Variants in PRORP observed in about 807,000 individuals in gnomAD.
PRORP encodes the protein mitochondrial ribonuclease P catalytic subunit.
In PRORP, 51 loss-of-function variants were observed where a neutral mutation model predicts 59.4. The observed-to-expected ratio is 0.86, with a 90% CI of 0.69 to 1.08. PRORP has a LOEUF of 1.08. Among genes scored for constraint, PRORP ranks in the 50% least tolerant of loss-of-function variants. The probability of loss-of-function intolerance (pLI) is 0.00; values close to 1 mark genes in which losing one functional copy is unlikely to be tolerated. For synonymous variants in PRORP, 231 were observed against 245.6 expected (o/e 0.94, Z 0.55); for missense variants, 646 against 690.3 (o/e 0.94, Z 0.72).
intron 4 of PRORP, among the ~76,000 whole-genome samples, chr14:35,161,186 G>GT (rs2048050108): frequency 1.3e-5 from 2 of 152,178 alleles, no homozygotes; most frequent in Non-Finnish European, 2.9e-5. Flanking sequence ...GGTAAAACTT[G>GT]TGGTATTATT....
At chr14:35,183,148 T>G (rs529578503) in intron 5 of PRORP, among the ~76,000 whole-genome samples, 2 of 152,208 alleles carry the variant, frequency 1.3e-5, no homozygotes, top group South Asian at 4.1e-4. Context: ...TATCCATGTA[T>G]AGATAAATGT....
intron 5 of PRORP, among the ~76,000 whole-genome samples, chr14:35,182,600 T>A (rs2048642311): frequency 6.6e-6 from 1 of 151,896 alleles, no homozygotes. Context: ...AGCTGAGATC[T>A]TGCCATTGCA....
chr14:35,200,497 G>A (rs1253070013), intron 5 of PRORP, among the ~76,000 whole-genome samples: 5 of 151,856 alleles, frequency 3.3e-5, no homozygotes, highest in Non-Finnish European at 5.9e-5. Context: ...GCCTAAGTAT[G>A]CAAAATTCTT....
intron 5 of PRORP, among the ~76,000 whole-genome samples, chr14:35,258,281 C>T (rs1016805232): frequency 3.9e-5 from 6 of 152,042 alleles, no homozygotes; most frequent in Admixed American, 6.5e-5. Context: ...CATGAGCCAC[C>T]GCACCTGGCA....
chr14:35,125,184 C>A (rs1416994755), intron 2 of PRORP, among the ~76,000 whole-genome samples: 1 of 152,076 alleles, frequency 6.6e-6, no homozygotes, highest in Non-Finnish European at 1.5e-5. Context: ...ATCTATAGTT[C>A]ATCAACTTGG....
rs192122435 is a variant in PRORP, at chr14:35,128,341, G to A, written c.1167+730G>A. 7.3e-5 allele frequency among the ~76,000 whole-genome samples: 11 copies of A among 150,540 alleles called. No homozygotes were observed. The East Asian group carries it at 2.2e-3, about 29-fold the overall frequency. ...TGTCTTTGTCTGGTTTTGGTATCAA[G>A]GTAACACTAGCCTCATGGAATGAGT... is the stretch of plus-strand genomic sequence containing the variant. On this transcript the variant is annotated intron_variant, in intron 4 of 7. Coordinates refer to ENST00000534898, the MANE Select transcript of PRORP (RefSeq NM_014672.4).
upstream of PRORP, chr14:35,122,263 T>C (rs1595143601): frequency 1.2e-5 from 5 of 401,830 alleles, no homozygotes; most frequent in East Asian, 2.3e-4. Flanking sequence ...GCGTTTTCCT[T>C]TATCGTGTGC....
At chr14:35,174,288 G>T (rs1173118437) in intron 4 of PRORP, among the ~76,000 whole-genome samples, 1 of 151,526 alleles carries the variant, frequency 6.6e-6, no homozygotes, top group African/African-American at 2.4e-5. Context: ...GAAATAGTTG[G>T]GTATTTATCT....
intron 5 of PRORP, among the ~76,000 whole-genome samples, chr14:35,191,822 A>G (rs2048890868): frequency 6.6e-6 from 1 of 151,676 alleles, no homozygotes; most frequent in Non-Finnish European, 1.5e-5. Context: ...AGCCACAATT[A>G]CTCTTTCTCA....
At chr14:35,146,716 T>C (rs1399444217) in intron 4 of PRORP, among the ~76,000 whole-genome samples, 1 of 152,222 alleles carries the variant, frequency 6.6e-6, no homozygotes, top group Non-Finnish European at 1.5e-5. Context: ...TTGAAGACAT[T>C]GCAAGTTTGG....
At chr14:35,124,358 C>T (rs1490809531) in intron 2 of PRORP, 127 bp downstream of exon 2, 1 of 543,588 alleles carries the variant, frequency 1.8e-6, no homozygotes, top group Non-Finnish European at 3.0e-6. Flanking sequence ...ACCTCAAACT[C>T]CTGGCCTCAA....
intron 5 of PRORP, among the ~76,000 whole-genome samples, chr14:35,182,577 G>T (rs1269563109): frequency 6.6e-6 from 1 of 152,184 alleles, no homozygotes; most frequent in African/African-American, 2.4e-5. Context: ...CCCGGGAGGT[G>T]GAGGTTGCAG....
chr14:35,268,602 ATTTAT>A lies in PRORP; in HGVS notation c.1424+1734_1424+1738del, dbSNP rs572891561. ...AAGATTTGTCAGTATTCTCCAAATC[ATTTAT>A]TTTATTGAGACGGAGTCTCACTGGG... On this transcript the variant is annotated intron_variant, in intron 6 of 7. Transcript: ENST00000534898. Among the ~76,000 whole-genome samples, 377 of 152,194 alleles carry A rather than the reference ATTTAT, an allele frequency of 2.5e-3. 2 individuals carry two copies. The highest frequency in any genetic ancestry group is 8.5e-3 in the African/African-American group (353 of 41,538).
intron 5 of PRORP, among the ~76,000 whole-genome samples, chr14:35,213,532 A>G (rs938516223): frequency 3.3e-5 from 5 of 152,228 alleles, no homozygotes; most frequent in Non-Finnish European, 7.3e-5. Flanking sequence ...TTGGCTTTCA[A>G]CATGCCCTCC....
Position 35,258,021 on chromosome 14 carries a change from G to A in PRORP, c.1276-8706G>A, listed in dbSNP as rs553708813. Among the ~76,000 whole-genome samples, 12 of 150,794 alleles carry A rather than the reference G, an allele frequency of 8.0e-5. No individual in the cohort carries two copies. The East Asian group carries it at 2.3e-3, about 29-fold the overall frequency. ...TAAGCTCAGGAACTACTTTTCATCA[G>A]TTTTATGCCAAAAGTTGATGTGTCA... On this transcript the variant is annotated intron_variant, in intron 5 of 7. Coordinates refer to ENST00000534898, the MANE Select transcript of PRORP (RefSeq NM_014672.4).
intron 4 of PRORP, among the ~76,000 whole-genome samples, chr14:35,164,338 A>T (rs930797984): frequency 1.3e-5 from 2 of 152,204 alleles, no homozygotes; most frequent in Non-Finnish European, 2.9e-5. Flanking sequence ...ACATCCACTC[A>T]TATGTGCATT....
Position 35,266,810 on chromosome 14 carries a change from C to T in PRORP, c.1359C>T (p.Ser453=), listed in dbSNP as rs754705308. Residue 453 remains serine (S), a synonymous_variant, in exon 6 of 8, where the codon TCC becomes TCT. Coordinates refer to ENST00000534898, the MANE Select transcript of PRORP (RefSeq NM_014672.4). The part of the protein sequence containing the change: ...LGRKHMLRRS[S]QWSRDEMEEV... Reference sequence around the variant, plus strand: ...GGAAGCACATGCTAAGACGGAGTTCCCAGTGGAGTCGGGATGAGATGGAAG... The same window carrying T: ...GGAAGCACATGCTAAGACGGAGTTCTCAGTGGAGTCGGGATGAGATGGAAG... 1.2e-6 allele frequency: 2 copies of T among 1,614,112 alleles called. No homozygotes were observed. Among genetic ancestry groups the T allele is most frequent in the Non-Finnish European group, 1.7e-6 (2 of 1,180,028 alleles).
chr14:35,267,822 G>A (rs936190496), intron 6 of PRORP, among the ~76,000 whole-genome samples: 27 of 151,782 alleles, frequency 1.8e-4, no homozygotes, highest in African/African-American at 6.5e-4. Context: ...GCAGGCATAA[G>A]CTTGGCATGT....
chr14:35,274,718 G>T lies in PRORP; in HGVS notation c.*1152G>T, dbSNP rs528615370. 1.3e-5 allele frequency: 2 copies of T among 152,140 alleles called. No individual in the cohort carries two copies. The highest frequency in any genetic ancestry group is 6.6e-5 in the Admixed American group (1 of 15,264). The allele number at this position is 152,140 out of a possible 1,614,324, so 9.4% of individuals were successfully genotyped here. A position where few individuals can be genotyped will look rare whatever the true frequency, so the allele number is the denominator to read the frequency against. On this transcript the variant is annotated 3_prime_UTR_variant, in exon 8 of 8. Transcript: ENST00000534898. ...CAGCCTCACTTCTCTAGACTATGAT[G>T]GTTTTTTCTTCATTCTATAATCTCT... is the stretch of plus-strand genomic sequence containing the variant.
Sources: gnomAD v4.1 joint callset for allele counts (sites outside exome capture counted in the v4.1 genomes callset) on GRCh38, gnomAD v4.1.1 for gene constraint, MANE v1.5 for transcripts, NCBI Gene and HGNC (gene_info 2026-07-23, HGNC 2026-07-21) for gene names.